The following NSUN4 variants were observed in gnomAD, a reference collection of about 807,000 sequenced individuals.
The protein encoded by NSUN4 is NOP2/Sun RNA methyltransferase 4, also known as 5-cytosine rRNA methyltransferase NSUN4.
A neutral mutation model predicts 43.8 loss-of-function variants in NSUN4; 31 were observed. That is an observed-to-expected ratio of 0.71 (90% CI 0.53 to 0.96). The LOEUF (loss-of-function observed/expected upper bound fraction) is 0.96. NSUN4 is among the 40% of genes least tolerant of loss of function. The pLI is 0.00. For missense variants in NSUN4, 439 were observed against 475.6 expected, an observed-to-expected ratio of 0.92 and a Z score of 0.72; for synonymous variants, 167 against 184.1, an observed-to-expected ratio of 0.91 and a Z score of 0.75.
chr1:46,373,276 T>C, the NSUN4 span, among the ~76,000 whole-genome samples: 1 of 152,226 alleles, frequency 6.6e-6, no homozygotes, highest in African/African-American at 2.4e-5. Context: ...CTCCAAATTC[T>C]TCCAGCCTCT....
At chr1:46,381,451 A>G in the NSUN4 span, among the ~76,000 whole-genome samples, 1 of 151,924 alleles carries the variant, frequency 6.6e-6, no homozygotes, top group Non-Finnish European at 1.5e-5. Context: ...CCCACTCCTA[A>G]CCCCTAGACC....
chr1:46,378,334 A>T, the NSUN4 span, among the ~76,000 whole-genome samples: 1 of 151,830 alleles, frequency 6.6e-6, no homozygotes, highest in Non-Finnish European at 1.5e-5. Context: ...AGTAGCTGGG[A>T]CTACAGGTGT....
chr1:46,374,942 G>A, the NSUN4 span, among the ~76,000 whole-genome samples: 1 of 150,702 alleles, frequency 6.6e-6, no homozygotes, highest in Non-Finnish European at 1.5e-5. Flanking sequence ...CAAAAAATAA[G>A]TATATGAGTA....
downstream of NSUN4, among the ~76,000 whole-genome samples, chr1:46,369,420 G>T (rs1664203484): frequency 6.6e-6 from 1 of 152,160 alleles, no homozygotes. Flanking sequence ...AAAAGTCCTT[G>T]TTCTCATGGG....
rs939782211 is a variant in NSUN4, at chr1:46,364,957, C to T, written c.*3111C>T. On this transcript the variant is annotated 3_prime_UTR_variant, in exon 6 of 6. Coordinates refer to ENST00000474844, the MANE Select transcript of NSUN4 (RefSeq NM_199044.4). ...GGAATTCTGAGATTCCTGATGTTTA[C>T]CTACCTAGTCTTTCTCTTGCTGCCC... The T allele has an allele frequency of 1.3e-5, 2 of 152,214 alleles. No homozygotes were observed. The highest frequency in any genetic ancestry group is 2.9e-5 in the Non-Finnish European group (2 of 68,038). The allele number at this position is 152,214 out of a possible 1,614,324, so 9.4% of individuals were successfully genotyped here. A position where few individuals can be genotyped will look rare whatever the true frequency, so the allele number is the denominator to read the frequency against.
chr1:46,368,801 C>T (rs1210815887), downstream of NSUN4, among the ~76,000 whole-genome samples: 1 of 152,014 alleles, frequency 6.6e-6, no homozygotes, highest in Admixed American at 6.6e-5. Flanking sequence ...GCCTGTAATC[C>T]CGGCACTTTT....
intron 1 of NSUN4, chr1:46,343,370 CCCCTGTGGCCTCCATATCTA>C (rs1662259532): frequency 2.5e-6 from 1 of 399,860 alleles, no homozygotes; most frequent in East Asian, 3.6e-5. Flanking sequence ...CTGATACTGT[CCCCTGTGGCCTCCATATCTA>C]CCCTGTGGCC....
downstream of NSUN4, among the ~76,000 whole-genome samples, chr1:46,367,891 A>G (rs1267250702): frequency 1.3e-5 from 2 of 150,486 alleles, no homozygotes; most frequent in African/African-American, 4.9e-5. Flanking sequence ...CAGCCTACTG[A>G]GTAGCTGGGA....
In NSUN4 at chr1:46,353,302, T is replaced by C. The variant is rs79042423; in HGVS notation, c.753+274T>C. On this transcript the variant is annotated intron_variant, in intron 4 of 5. Coordinates refer to ENST00000474844, the MANE Select transcript of NSUN4 (RefSeq NM_199044.4). ...GGCTTACTTTATTTCTCAAGTCACT[T>C]GGTTGCTCAGAAAGCCTCATGAAGG... Among the ~76,000 whole-genome samples, 193 of 152,340 alleles carry C rather than the reference T, an allele frequency of 1.3e-3. 2 individuals are homozygous for C. Among genetic ancestry groups the C allele is most frequent in the African/African-American group, 4.1e-3 (169 of 41,580 alleles).
chr1:46,380,893 A>G, the NSUN4 span, among the ~76,000 whole-genome samples: 1 of 152,212 alleles, frequency 6.6e-6, no homozygotes, highest in African/African-American at 2.4e-5. Flanking sequence ...ATTTTTTACT[A>G]TACATATGCT....
intron 4 of NSUN4, among the ~76,000 whole-genome samples, chr1:46,358,229 G>A (rs1397878060): frequency 1.3e-5 from 2 of 152,022 alleles, no homozygotes; most frequent in Non-Finnish European, 2.9e-5. Context: ...CTGAGTAGCT[G>A]GGATTACAGG....
At chr1:46,373,801 A>T in the NSUN4 span, among the ~76,000 whole-genome samples, 1 of 152,128 alleles carries the variant, frequency 6.6e-6, no homozygotes, top group Non-Finnish European at 1.5e-5. Context: ...TACATTGGGG[A>T]TAAAGTTTCA....
chr1:46,360,469 TGTTA>T (rs1035120069), intron 4 of NSUN4, among the ~76,000 whole-genome samples: 1 of 150,566 alleles, frequency 6.6e-6, no homozygotes, highest in Non-Finnish European at 1.5e-5. Flanking sequence ...GTTACTTGTG[TGTTA>T]GTTTTGGGTT....
rs776082126 is a variant in NSUN4, at chr1:46,361,614, C to T, written c.923C>T (p.Ser308Phe). The T allele has an allele frequency of 6.2e-7, 1 of 1,614,242 alleles. No homozygotes were observed. The highest frequency in any genetic ancestry group is 1.7e-5 in the Admixed American group (1 of 60,032). ...ATKPGGHVVYSTCSLSHLQNE... is the reference protein window; with the variant it reads ...ATKPGGHVVYFTCSLSHLQNE... ...AAACCAGGAGGCCATGTTGTCTATTCTACCTGCTCACTCTCACACTTACAG... is the reference window on the plus strand; with the variant it reads ...AAACCAGGAGGCCATGTTGTCTATTTTACCTGCTCACTCTCACACTTACAG... The change falls in exon 6 of 6, where the codon TCT becomes TTT. Residue 308 changes from serine (S) to phenylalanine (F), a missense_variant. Coordinates refer to ENST00000474844, the MANE Select transcript of NSUN4 (RefSeq NM_199044.4).
At chr1:46,380,808 C>T in the NSUN4 span, among the ~76,000 whole-genome samples, 2 of 152,042 alleles carry the variant, frequency 1.3e-5, no homozygotes, top group Admixed American at 1.3e-4. Flanking sequence ...CCCATAAAAC[C>T]CCTCTCTGTG....
chr1:46,348,813 T>G (rs1336506089), intron 3 of NSUN4, among the ~76,000 whole-genome samples: 1 of 121,510 alleles, frequency 8.2e-6, no homozygotes, highest in African/African-American at 3.7e-5. Flanking sequence ...GCACTGTTTT[T>G]TTTTTTTTTT....
intron 3 of NSUN4, among the ~76,000 whole-genome samples, chr1:46,349,266 G>A (rs5013325): frequency 0.22 from 33,940 of 151,246 alleles, 4,249 homozygotes; most frequent in Non-Finnish European, 0.29. Context: ...CAGCCTCCCA[G>A]ATAGCTGGGA....
At chr1:46,377,273 C>G in the NSUN4 span, among the ~76,000 whole-genome samples, 3 of 152,290 alleles carry the variant, frequency 2.0e-5, no homozygotes, top group South Asian at 6.2e-4. Flanking sequence ...TGGTCTCAAA[C>G]TCCTGACTTT....
At chr1:46,354,129 C>A (rs967048508) in intron 4 of NSUN4, among the ~76,000 whole-genome samples, 3 of 150,588 alleles carry the variant, frequency 2.0e-5, no homozygotes, top group African/African-American at 7.3e-5. Context: ...TTTTGAGTGG[C>A]AGGTTTTCAC....
Sources: allele counts gnomAD v4.1 joint callset (sites outside exome capture counted in the v4.1 genomes callset), GRCh38; gene constraint gnomAD v4.1.1; transcripts MANE v1.5; gene names NCBI Gene and HGNC (gene_info 2026-07-23, HGNC 2026-07-21).